STK32B: variants seen among roughly 807,000 people sequenced by gnomAD.
The protein encoded by STK32B is serine/threonine-protein kinase 32B.
In STK32B, 43 loss-of-function variants were observed where a neutral mutation model predicts 52.6. That is an observed-to-expected ratio of 0.82 (90% CI 0.64 to 1.05). The LOEUF (loss-of-function observed/expected upper bound fraction) is 1.05. Ranked by LOEUF, STK32B falls within the 50% of genes least tolerant of loss-of-function variation. The pLI is 0.00. For missense variants in STK32B, 621 were observed against 534.6 expected, an observed-to-expected ratio of 1.16 and a Z score of -1.59; for synonymous variants, 238 against 204.3, an observed-to-expected ratio of 1.17 and a Z score of -1.41.
intron 3 of STK32B, among the ~76,000 whole-genome samples, chr4:5,180,807 T>C (rs2032475332): frequency 6.6e-6 from 1 of 152,208 alleles, no homozygotes; most frequent in Non-Finnish European, 1.5e-5. Flanking sequence ...AAGGCCTGCA[T>C]TGATTAATTT....
chr4:5,201,352 C>T (rs1382670835), intron 3 of STK32B, among the ~76,000 whole-genome samples: 1 of 152,168 alleles, frequency 6.6e-6, no homozygotes, highest in Non-Finnish European at 1.5e-5. Flanking sequence ...CTGCAGGTTT[C>T]CATGGGGCCG....
At chr4:5,159,159 G>A (rs1031409372) in intron 2 of STK32B, among the ~76,000 whole-genome samples, 1 of 152,176 alleles carries the variant, frequency 6.6e-6, no homozygotes, top group African/African-American at 2.4e-5. Context: ...GCTGGAGCAC[G>A]GCTGGGACAC....
chr4:5,277,523 T>C (rs992517683), intron 3 of STK32B, among the ~76,000 whole-genome samples: 2 of 152,236 alleles, frequency 1.3e-5, no homozygotes, highest in South Asian at 2.1e-4. Context: ...TGTTTGCTTA[T>C]GAATGCGCTC....
chr4:5,022,237 A>T, the STK32B span, among the ~76,000 whole-genome samples: 45 of 152,156 alleles, frequency 3.0e-4, no homozygotes, highest in African/African-American at 1.1e-3. Flanking sequence ...AGTCTTTCTC[A>T]TCTGTTTCTC....
upstream of STK32B, among the ~76,000 whole-genome samples, chr4:5,049,620 A>G (rs1164173956): frequency 6.6e-6 from 1 of 152,178 alleles, no homozygotes; most frequent in Non-Finnish European, 1.5e-5. Flanking sequence ...TCATCAGTTA[A>G]GGCAGGAACA....
chr4:5,406,903 T>A (rs195119), intron 5 of STK32B, among the ~76,000 whole-genome samples: 118,390 of 152,078 alleles, frequency 0.78, 46,335 homozygotes, highest in Middle Eastern at 0.92. Context: ...CTTTTACTCA[T>A]ACAAATTTCT....
intron 3 of STK32B, among the ~76,000 whole-genome samples, chr4:5,209,086 C>G (rs1029943678): frequency 6.6e-6 from 1 of 152,206 alleles, no homozygotes; most frequent in African/African-American, 2.4e-5. Flanking sequence ...CCAGCTGCCT[C>G]CCCCTCAGCA....
At chr4:5,288,662 G>A (rs900694585) in intron 3 of STK32B, among the ~76,000 whole-genome samples, 5 of 152,082 alleles carry the variant, frequency 3.3e-5, no homozygotes, top group Non-Finnish European at 1.5e-5. Flanking sequence ...TATAGAATTT[G>A]CAAGTGAGGT....
intron 2 of STK32B, among the ~76,000 whole-genome samples, chr4:5,158,890 C>A (rs1718084090): frequency 6.6e-6 from 1 of 152,130 alleles, no homozygotes; most frequent in South Asian, 2.1e-4. Flanking sequence ...ACAGTCGCAT[C>A]CTGAGGTGCT....
chr4:5,459,547 G>C (rs1277582916), intron 8 of STK32B, among the ~76,000 whole-genome samples: 2 of 152,174 alleles, frequency 1.3e-5, no homozygotes, highest in African/African-American at 4.8e-5. Context: ...GGCCCGCTGG[G>C]ATGCCAGGTC....
chr4:5,340,286 G>A (rs1732988171), intron 4 of STK32B, among the ~76,000 whole-genome samples: 1 of 152,180 alleles, frequency 6.6e-6, no homozygotes, highest in African/African-American at 2.4e-5. Flanking sequence ...TTCAAGGAGG[G>A]GTGCCCAGCC....
Position 5,386,900 on chromosome 4 carries a change from A to T in STK32B, c.435-11307A>T, listed in dbSNP as rs1244798949. ...ATTGTCCTCAGAAAGCTGGATGAGGAACATGAGGCCGTGGCCTGAGCGTCT... is the reference window on the plus strand; with the variant it reads ...ATTGTCCTCAGAAAGCTGGATGAGGTACATGAGGCCGTGGCCTGAGCGTCT... On this transcript the variant is annotated intron_variant, in intron 4 of 11. Coordinates refer to ENST00000282908, the MANE Select transcript of STK32B (RefSeq NM_018401.3). This position sits in a 1 kb window ranked among gnomAD's most constrained non-coding sequence, Gnocchi z 4.5. Among the ~76,000 whole-genome samples the T allele has an allele frequency of 6.6e-6, 1 of 152,186 alleles. No homozygotes were observed. Among genetic ancestry groups the T allele is most frequent in the Non-Finnish European group, 1.5e-5 (1 of 68,028 alleles).
intron 1 of STK32B, among the ~76,000 whole-genome samples, chr4:5,064,885 A>G (rs1211352019): frequency 6.8e-6 from 1 of 147,612 alleles, no homozygotes. Context: ...ATATTTCTCC[A>G]TAAGAAAACC....
chr4:5,413,769 C>T (rs1285021974), intron 5 of STK32B, among the ~76,000 whole-genome samples: 1 of 152,146 alleles, frequency 6.6e-6, no homozygotes, highest in African/African-American at 2.4e-5. Flanking sequence ...AGAGGCTGAT[C>T]ACATGGGAAA....
rs79313056 is a variant in STK32B, at chr4:5,139,319, G to C, written c.53-586G>C. Among the ~76,000 whole-genome samples, 100 of 152,278 alleles carry C rather than the reference G, an allele frequency of 6.6e-4. No homozygotes were observed. The East Asian group carries it at 0.018, about 27-fold the overall frequency. On this transcript the variant is annotated intron_variant, in intron 1 of 11. Coordinates refer to ENST00000282908, the MANE Select transcript of STK32B (RefSeq NM_018401.3). ...CATGGTGGCTTTGGAACCTCCATGAGGACCTGAGGGCAGGCATTGACACAT... is the reference window on the plus strand; with the variant it reads ...CATGGTGGCTTTGGAACCTCCATGACGACCTGAGGGCAGGCATTGACACAT...
At chr4:5,063,045 G>A (rs895143110) in intron 1 of STK32B, among the ~76,000 whole-genome samples, 7 of 151,954 alleles carry the variant, frequency 4.6e-5, no homozygotes, top group African/African-American at 1.5e-4. Context: ...TGAACCATAC[G>A]GCTGTGAACA....
At chr4:5,186,517 G>T (rs1242409678) in intron 3 of STK32B, among the ~76,000 whole-genome samples, 1 of 152,148 alleles carries the variant, frequency 6.6e-6, no homozygotes, top group East Asian at 1.9e-4. Flanking sequence ...CGCTTATCTC[G>T]CTTGCTCTCT....
intron 4 of STK32B, among the ~76,000 whole-genome samples, chr4:5,356,239 T>C: frequency 6.6e-6 from 1 of 152,166 alleles, no homozygotes; most frequent in Non-Finnish European, 1.5e-5. Context: ...TCTACCTCCA[T>C]CCTCACATGA....
intron 11 of STK32B, among the ~76,000 whole-genome samples, chr4:5,498,166 T>C (rs1221599077): frequency 6.6e-6 from 1 of 152,190 alleles, no homozygotes; most frequent in African/African-American, 2.4e-5. Flanking sequence ...CTAAAAATTC[T>C]CACTGCCTCC....
Sources: gnomAD v4.1 joint callset for allele counts (sites outside exome capture counted in the v4.1 genomes callset) on GRCh38, gnomAD v4.1.1 for gene constraint, Gnocchi (gnomAD v3.1) non-coding constraint, MANE v1.5 for transcripts, NCBI Gene and HGNC (gene_info 2026-07-23, HGNC 2026-07-21) for gene names.